The following GCKR variants were observed in gnomAD, a reference collection of about 807,000 sequenced individuals.
The protein encoded by GCKR is glucokinase regulator.
In GCKR, 73 loss-of-function variants were observed where a neutral mutation model predicts 82.9. The observed-to-expected ratio is 0.88, with a 90% CI of 0.73 to 1.07. GCKR has a LOEUF of 1.07. Among genes scored for constraint, GCKR ranks in the 50% least tolerant of loss-of-function variants. The probability of loss-of-function intolerance (pLI) is 0.00; values close to 1 mark genes in which losing one functional copy is unlikely to be tolerated. For missense variants in GCKR, 784 were observed against 782.1 expected, an observed-to-expected ratio of 1.00 and a Z score of -0.03; for synonymous variants, 294 against 291.8, an observed-to-expected ratio of 1.01 and a Z score of -0.08.
At chr2:27,523,135 G>A (rs1670190779) in intron 18 of GCKR, 134 bp from the exon 19 acceptor site, 13 of 731,904 alleles carry the variant, frequency 1.8e-5, no homozygotes, top group Admixed American at 4.0e-5. Context: ...CTGAACTTAA[G>A]TGATCTGCCC....
rs1166484836 is a variant in GCKR, at chr2:27,511,383, G to A, written c.1422+3132G>A. On this transcript the variant is annotated intron_variant, in intron 16 of 18. Coordinates refer to ENST00000264717, the MANE Select transcript of GCKR (RefSeq NM_001486.4). ...GTTTGAAATAAAGAGGCTTTGTTTG[G>A]GCTGGTCAATCTTTAGCTATAGAAA... Among the ~76,000 whole-genome samples the A allele has an allele frequency of 2.6e-5, 4 of 151,792 alleles. No individual in the cohort carries two copies. The East Asian group carries it at 7.7e-4, about 29-fold the overall frequency.
rs1169420125 is a variant in GCKR, at chr2:27,521,460, A to G, written c.1573-1000A>G. Among the ~76,000 whole-genome samples the G allele has an allele frequency of 3.3e-5, 5 of 150,752 alleles. No homozygotes were observed. The East Asian group carries it at 8.0e-4, about 24-fold the overall frequency. Reference sequence around the variant, plus strand: ...ATCCTCCTGCCTCAGCCTCCTGAGTAGCTGGGATTACAGGCATGCGCCACC... The same window carrying G: ...ATCCTCCTGCCTCAGCCTCCTGAGTGGCTGGGATTACAGGCATGCGCCACC... On this transcript the variant is annotated intron_variant, in intron 17 of 18. Transcript: ENST00000264717.
intron 16 of GCKR, among the ~76,000 whole-genome samples, chr2:27,517,059 C>T (rs1353420596): frequency 2.0e-5 from 3 of 146,654 alleles, no homozygotes; most frequent in African/African-American, 7.6e-5. Flanking sequence ...TGTCGCCAGG[C>T]TGGAGTGCAG....
chr2:27,506,775 G>A lies in GCKR; in HGVS notation c.969-13G>A, dbSNP rs776028152. On this transcript the variant is annotated splice_polypyrimidine_tract_variant and intron_variant, in intron 11 of 18. Coordinates refer to ENST00000264717, the MANE Select transcript of GCKR (RefSeq NM_001486.4). ...GGTGATCTCTCATGTCCTGACCTCT[G>A]ACCCATTCTCAGTCTGGAGAAGAAA... The A allele has an allele frequency of 2.6e-4, 401 of 1,561,446 alleles. No homozygotes were observed. Among genetic ancestry groups the A allele is most frequent in the Non-Finnish European group, 3.5e-4 (396 of 1,132,160 alleles).
At chr2:27,512,554 G>C (rs1476706795) in intron 16 of GCKR, among the ~76,000 whole-genome samples, 3 of 149,336 alleles carry the variant, frequency 2.0e-5, no homozygotes, top group African/African-American at 7.4e-5. Flanking sequence ...AAAAAAAGAA[G>C]ATAATTGGAG....
intron 17 of GCKR, among the ~76,000 whole-genome samples, chr2:27,521,895 T>C (rs373272823): frequency 6.6e-6 from 1 of 151,864 alleles, no homozygotes; most frequent in East Asian, 1.9e-4. Flanking sequence ...GCTAATTTGT[T>C]TTATTTTTTG....
In GCKR at chr2:27,503,564, G is replaced by C; in HGVS notation, c.695G>C (p.Arg232Pro). Residue 232 changes from arginine to proline, a missense_variant, in exon 9 of 19, where the codon CGG becomes CCG. Arg to Pro is a moderately radical substitution (Grantham distance 103). Transcript: ENST00000264717. The part of the protein sequence containing the change: ...WSSTFRQVAE[R>P]MQKMQEKQKA... ...TCAACATTCCGACAAGTAGCAGAGC[G>C]GATGCAGAAAATGCAGGAGAAACAG... is the stretch of plus-strand genomic sequence containing the variant. The C allele has an allele frequency of 6.2e-7, 1 of 1,611,684 alleles. No individual in the cohort carries two copies. Among genetic ancestry groups the C allele is most frequent in the Non-Finnish European group, 8.5e-7 (1 of 1,177,810 alleles).
At chr2:27,501,668 C>G (rs8179210) in intron 8 of GCKR, 10,680 of 466,074 alleles carry the variant, frequency 0.023, 203 homozygotes, top group South Asian at 0.053. Context: ...TATTTAGTGC[C>G]CATTCTCTCT....
At position 27,508,181 on chromosome 2, in the gene GCKR, A is replaced by G; in HGVS notation, c.1352A>G (p.Lys451Arg). The G allele has an allele frequency of 1.2e-6, 2 of 1,610,580 alleles. No homozygotes were observed. The highest frequency in any genetic ancestry group is 1.7e-6 in the Non-Finnish European group (2 of 1,177,120). Reference sequence around the variant, plus strand: ...CTCTCTCTCCAGATCCCTCTGAAGAAGCTCTTTCCCTCCATCATCAGCATC... The same window carrying G: ...CTCTCTCTCCAGATCCCTCTGAAGAGGCTCTTTCCCTCCATCATCAGCATC... The part of the protein sequence containing the change: ...VGQTLLIPLK[K>R]LFPSIISITW... The change falls in exon 16 of 19, where the codon AAG becomes AGG. Residue 451 changes from lysine to arginine, a missense_variant. Transcript: ENST00000264717.
Position 27,499,411 on chromosome 2 carries a change from G to A in GCKR, c.510G>A (p.Lys170=), listed in dbSNP as rs139153177. ...IEELKKVAAG[K]KRVIVIGISV... ...TCCTCTCCTAGGTGGCTGCCGGGAA[G>A]AAGAGAGTGATTGTCATTGGCATTT... is the stretch of plus-strand genomic sequence containing the variant. Residue 170 remains lysine (K), a synonymous_variant, in exon 7 of 19, where the codon AAG becomes AAA. Coordinates refer to ENST00000264717, the MANE Select transcript of GCKR (RefSeq NM_001486.4). 1.9e-6 allele frequency: 3 copies of A among 1,612,658 alleles called. No homozygotes were observed. In the African/African-American group the frequency reaches 4.0e-5, roughly 22 times the overall value.
Position 27,518,932 on chromosome 2 carries a change from C to T in GCKR, c.1567C>T (p.Leu523=), listed in dbSNP as rs1427979382. The part of the protein sequence containing the change: ...SKLFWRALAM[L]QRFSGQSKAR... ...GCTCTTCTGGCGGGCGCTGGCCATG[C>T]TGCAGGTAGGGATATGATGGGGCAG... The change falls in exon 17 of 19, where the codon CTG becomes TTG. Residue 523 remains leucine, a synonymous_variant. Coordinates refer to ENST00000264717, the MANE Select transcript of GCKR (RefSeq NM_001486.4). The T allele has an allele frequency of 1.6e-5, 24 of 1,485,840 alleles. No individual in the cohort carries two copies. Among genetic ancestry groups the T allele is most frequent in the African/African-American group, 2.8e-5 (2 of 71,236 alleles). 92.0% of individuals were successfully genotyped at this position (1,485,840 alleles called of 1,614,324 possible). A position where few individuals can be genotyped will look rare whatever the true frequency, so the allele number is the denominator to read the frequency against.
At chr2:27,518,726 G>A in intron 16 of GCKR, 62 bp from the exon 17 acceptor site, 2 of 1,365,876 alleles carry the variant, frequency 1.5e-6, no homozygotes, top group Admixed American at 1.7e-5. Flanking sequence ...ACAGGGCCCT[G>A]TTCACTCTGC....
At position 27,508,051 on chromosome 2, in the gene GCKR, A is replaced by T. The variant is rs1232989066; in HGVS notation, c.1315A>T (p.Ser439Cys). 1 of 1,613,610 alleles carries T rather than the reference A, an allele frequency of 6.2e-7. No homozygotes were observed. ...KTNHIQALAHSTVGQTLLIPL... is the reference protein window; with the variant it reads ...KTNHIQALAHCTVGQTLLIPL... ...CAACCACATCCAGGCCCTGGCACAC[A>T]GCACCGTGGGTCAGACCTTGCTGGT... The change falls in exon 15 of 19, where the codon AGC becomes TGC. Residue 439 changes from serine (S) to cysteine (C), a missense_variant. By Grantham distance (112) the Ser-to-Cys change is moderately radical. Transcript: ENST00000264717.
chr2:27,511,137 C>A (rs559908456), intron 16 of GCKR, among the ~76,000 whole-genome samples: 14 of 152,050 alleles, frequency 9.2e-5, no homozygotes, highest in Non-Finnish European at 1.8e-4. Flanking sequence ...GAGCGATTCT[C>A]CTGCCTCAGC....
In GCKR at chr2:27,501,335, A is replaced by C. The variant is rs553146423; in HGVS notation, c.644+106A>C. The C allele has an allele frequency of 1.6e-5, 13 of 798,740 alleles. No individual in the cohort carries two copies. In the East Asian group the frequency reaches 3.2e-4, roughly 20 times the overall value. 49.5% of individuals were successfully genotyped at this position (798,740 alleles called of 1,614,324 possible). The stretch of plus-strand genomic sequence containing the variant: ...AGAGAACAGATAGTCTTGTTCACCA[A>C]ATCTCAGAATATTAAAGTAAATATG... On this transcript the variant is annotated intron_variant, in intron 8 of 18. Coordinates refer to ENST00000264717, the MANE Select transcript of GCKR (RefSeq NM_001486.4).
chr2:27,518,746 G>A (rs770959403), intron 16 of GCKR, 42 bp from the exon 17 acceptor site: 5 of 1,565,650 alleles, frequency 3.2e-6, no homozygotes, highest in Non-Finnish European at 4.4e-6. Context: ...CTGCTTTTCT[G>A]TCCTCTAATT....
At position 27,497,578 on chromosome 2, in the gene GCKR, C is replaced by G; in HGVS notation, c.233C>G (p.Ser78Cys). ...LSTYQRLYSE[S>C]ILTTMVQVAG... ...TCCCTACAGAGACTCTACAGCGAATCCATTCTGACCACCATGGTACAGGTG... is the reference window on the plus strand; with the variant it reads ...TCCCTACAGAGACTCTACAGCGAATGCATTCTGACCACCATGGTACAGGTG... The change falls in exon 3 of 19, where the codon TCC becomes TGC. Residue 78 changes from serine (S) to cysteine (C), a missense_variant. Coordinates refer to ENST00000264717, the MANE Select transcript of GCKR (RefSeq NM_001486.4). The G allele has an allele frequency of 6.2e-7, 1 of 1,612,504 alleles. No homozygotes were observed. The highest frequency in any genetic ancestry group is 8.5e-7 in the Non-Finnish European group (1 of 1,178,516).
In GCKR at chr2:27,523,559, C is replaced by T. The variant is rs1224344893; in HGVS notation, c.*120C>T. On this transcript the variant is annotated 3_prime_UTR_variant, in exon 19 of 19. Coordinates refer to ENST00000264717, the MANE Select transcript of GCKR (RefSeq NM_001486.4). ...AGAAGCCCCGTTTCCAGGGCATCCG[C>T]AGCCCAGGGTAGGGAGAAATATTCT... The T allele has an allele frequency of 2.1e-5, 20 of 961,802 alleles. No individual in the cohort carries two copies. Among genetic ancestry groups the T allele is most frequent in the Non-Finnish European group, 3.3e-5 (20 of 615,122 alleles). The allele number at this position is 961,802 out of a possible 1,614,324, so 59.6% of individuals were successfully genotyped here. A position where few individuals can be genotyped will look rare whatever the true frequency, so the allele number is the denominator to read the frequency against.
rs754107990 is a variant in GCKR, at chr2:27,523,260, TC to T, written c.1708-5del. On this transcript the variant is annotated splice_region_variant and splice_polypyrimidine_tract_variant and intron_variant, in intron 18 of 18. Coordinates refer to ENST00000264717, the MANE Select transcript of GCKR (RefSeq NM_001486.4). The stretch of plus-strand genomic sequence containing the variant: ...TCAGGCTTCAGTGCCCACTGCCTCT[TC>T]CCCACAGGTGATACCCATCGCCTTG... The T allele has an allele frequency of 1.2e-6, 2 of 1,611,322 alleles. No individual in the cohort carries two copies. Among genetic ancestry groups the T allele is most frequent in the Non-Finnish European group, 1.7e-6 (2 of 1,179,106 alleles).
Sources: gnomAD v4.1 joint callset for allele counts (sites outside exome capture counted in the v4.1 genomes callset) on GRCh38, gnomAD v4.1.1 for gene constraint, MANE v1.5 for transcripts, NCBI Gene and HGNC (gene_info 2026-07-23, HGNC 2026-07-21) for gene names.